The following SLIT2 variants were observed in gnomAD, a reference collection of about 807,000 sequenced individuals.
The protein encoded by SLIT2 is slit guidance ligand 2, also known as slit homolog 2 protein.
A neutral mutation model predicts 185.7 loss-of-function variants in SLIT2; 41 were observed. The ratio of observed to expected loss-of-function variants is 0.22; its 90% CI spans 0.17 to 0.29. SLIT2 has a LOEUF of 0.29. Among genes scored for constraint, SLIT2 ranks in the 10% least tolerant of loss-of-function variants. The pLI, the probability that SLIT2 is intolerant of heterozygous loss-of-function variation, is 1.00. For synonymous variants in SLIT2, 693 were observed against 680.2 expected (o/e 1.02, Z -0.29); for missense variants, 1,571 against 1,909.0 (o/e 0.82, Z 3.30).
At chr4:20,439,566 T>C (rs2148697499) in intron 4 of SLIT2, among the ~76,000 whole-genome samples, 1 of 152,320 alleles carries the variant, frequency 6.6e-6, no homozygotes, top group Non-Finnish European at 1.5e-5. Flanking sequence ...AATATCGGAT[T>C]AAGGCCCACC....
chr4:20,322,154 A>G (rs1323063), intron 4 of SLIT2, among the ~76,000 whole-genome samples: 20,428 of 152,158 alleles, frequency 0.13, 1,646 homozygotes, highest in African/African-American at 0.22. Context: ...TCCATTTCAT[A>G]TGTGAACCTC....
At chr4:20,366,106 G>T (rs1052164960) in intron 4 of SLIT2, among the ~76,000 whole-genome samples, 1 of 152,108 alleles carries the variant, frequency 6.6e-6, no homozygotes, top group Admixed American at 6.5e-5. Flanking sequence ...GATATGCTCA[G>T]TGTTAACTCC....
intron 30 of SLIT2, among the ~76,000 whole-genome samples, chr4:20,595,221 T>G (rs1727877420): frequency 6.6e-6 from 1 of 152,258 alleles, no homozygotes; most frequent in Admixed American, 6.5e-5. Context: ...TACCTTGTTC[T>G]GATGTATCTA....
intron 26 of SLIT2, among the ~76,000 whole-genome samples, chr4:20,556,804 C>T (rs1283376630): frequency 2.0e-5 from 3 of 152,060 alleles, no homozygotes; most frequent in Non-Finnish European, 2.9e-5. Flanking sequence ...AGCTAAGCCT[C>T]TTGTGCCAAA....
chr4:20,596,831 C>G (rs550329849), intron 32 of SLIT2, among the ~76,000 whole-genome samples, 176 bp downstream of exon 32: 8 of 151,890 alleles, frequency 5.3e-5, no homozygotes, highest in African/African-American at 1.9e-4. Flanking sequence ...TTTGTATTTT[C>G]AAGACAAAAT....
At chr4:20,369,378 CT>C (rs1303355266) in intron 4 of SLIT2, among the ~76,000 whole-genome samples, 1 of 152,040 alleles carries the variant, frequency 6.6e-6, no homozygotes, top group African/African-American at 2.4e-5. Flanking sequence ...GGTCGGTAAA[CT>C]ACAGCATACA....
intron 33 of SLIT2, among the ~76,000 whole-genome samples, chr4:20,599,278 T>C (rs1475763693): frequency 1.3e-5 from 2 of 151,872 alleles, no homozygotes; most frequent in Non-Finnish European, 2.9e-5. Flanking sequence ...TAAGACTAAC[T>C]ATCAGAGCCC....
rs148510830 is a variant in SLIT2, at chr4:20,445,926, A to G, written c.396-21826A>G. Among the ~76,000 whole-genome samples, 383 of 152,278 alleles carry G rather than the reference A, an allele frequency of 2.5e-3. 3 individuals are homozygous for G. Among genetic ancestry groups the G allele is most frequent in the Admixed American group, 7.6e-3 (116 of 15,300 alleles). On this transcript the variant is annotated intron_variant, in intron 4 of 36. Coordinates refer to ENST00000504154, the MANE Select transcript of SLIT2 (RefSeq NM_004787.4). ...TATGCAAAGCCCTGGCCCACAGTGG[A>G]TGCATAATACATGTTACTGAGGCTT...
intron 5 of SLIT2, among the ~76,000 whole-genome samples, chr4:20,468,582 T>G (rs1284920639): frequency 1.3e-5 from 2 of 152,092 alleles, no homozygotes; most frequent in Non-Finnish European, 2.9e-5. Flanking sequence ...AGATTTAAGA[T>G]CTCAGTGACA....
rs144844872 is a variant in SLIT2 at position 20,352,817 on chromosome 4, G to A, written c.395+83936G>A. ...AGTCCCAGCTACTCGGGAGGCTGAG[G>A]TGGGAGAATCGCTTGAACCTGGGAG... On this transcript the variant is annotated intron_variant, in intron 4 of 36. Coordinates refer to ENST00000504154, the MANE Select transcript of SLIT2 (RefSeq NM_004787.4). Among the ~76,000 whole-genome samples the A allele has an allele frequency of 4.4e-4, 67 of 152,262 alleles. No homozygotes were observed. In the East Asian group the frequency reaches 0.011, roughly 25 times the overall value.
In SLIT2 at chr4:20,589,641, C is replaced by T. The variant is rs779807614; in HGVS notation, c.3089-3C>T. On this transcript the variant is annotated splice_polypyrimidine_tract_variant and splice_region_variant and intron_variant, in intron 29 of 36. Transcript: ENST00000504154. ...TGAGCTAACACTGTTTGCCCTGTTG[C>T]AGGTGAGTTGTGTGAGGAGAAGCTG... 1 of 1,612,424 alleles carries T rather than the reference C, an allele frequency of 6.2e-7. No individual in the cohort carries two copies. The highest frequency in any genetic ancestry group is 1.7e-5 in the Admixed American group (1 of 59,978).
Position 20,618,756 on chromosome 4 carries a change from G to T in SLIT2, c.4349-12G>T. ...TGTTCTTAAAATGCTTGTGCTTTTT[G>T]TTCTTTTCTAGAAATCTCTTGTCGA... is the stretch of plus-strand genomic sequence containing the variant. On this transcript the variant is annotated splice_polypyrimidine_tract_variant and intron_variant, in intron 36 of 36. Transcript: ENST00000504154. The T allele has an allele frequency of 1.3e-6, 2 of 1,573,004 alleles. No homozygotes were observed. The highest frequency in any genetic ancestry group is 1.8e-5 in the Admixed American group (1 of 56,948).
At chr4:20,382,958 G>A (rs1214314165) in intron 4 of SLIT2, among the ~76,000 whole-genome samples, 1 of 152,144 alleles carries the variant, frequency 6.6e-6, no homozygotes, top group African/African-American at 2.4e-5. Flanking sequence ...ACATAGATTA[G>A]TGGAATAGAA....
chr4:20,277,243 T>A (rs1714256123), intron 4 of SLIT2, among the ~76,000 whole-genome samples: 1 of 152,312 alleles, frequency 6.6e-6, no homozygotes, highest in Middle Eastern at 3.4e-3. Context: ...GCAGCTTTTA[T>A]TGTTGGTTTC....
At chr4:20,517,260 A>T (rs892301425) in intron 11 of SLIT2, among the ~76,000 whole-genome samples, 2 of 152,124 alleles carry the variant, frequency 1.3e-5, no homozygotes, top group African/African-American at 4.8e-5. Flanking sequence ...TGGGCAGATG[A>T]TGGGCATTCA....
At chr4:20,316,005 C>A (rs1718543730) in intron 4 of SLIT2, among the ~76,000 whole-genome samples, 1 of 151,898 alleles carries the variant, frequency 6.6e-6, no homozygotes, top group African/African-American at 2.4e-5. Context: ...GATAGTGAGC[C>A]AGGCAGGGAT....
At chr4:20,386,264 A>G (rs1027400325) in intron 4 of SLIT2, among the ~76,000 whole-genome samples, 2 of 152,224 alleles carry the variant, frequency 1.3e-5, no homozygotes, top group African/African-American at 4.8e-5. Context: ...GAGAATTGAC[A>G]GCAGTGAGAA....
intron 4 of SLIT2, among the ~76,000 whole-genome samples, chr4:20,318,561 A>G (rs1346983636): frequency 2.0e-5 from 3 of 152,148 alleles, no homozygotes; most frequent in Non-Finnish European, 4.4e-5. Flanking sequence ...GCTTTTTGCA[A>G]TATTTTTTAA....
intron 4 of SLIT2, among the ~76,000 whole-genome samples, chr4:20,335,269 A>G (rs1720397935): frequency 6.6e-6 from 1 of 152,174 alleles, no homozygotes; most frequent in Non-Finnish European, 1.5e-5. Flanking sequence ...AGGGCACAGA[A>G]TGGAGACTGG....
Sources: allele counts gnomAD v4.1 joint callset (sites outside exome capture counted in the v4.1 genomes callset), GRCh38; gene constraint gnomAD v4.1.1; transcripts MANE v1.5; gene names NCBI Gene and HGNC (gene_info 2026-07-23, HGNC 2026-07-21).